Variants in OR5H14 observed in about 807,000 individuals in gnomAD.
OR5H14 encodes the protein olfactory receptor 5H14.
For missense variants in OR5H14, 392 were observed against 363.9 expected (o/e 1.08, Z -0.63); for synonymous variants, 155 against 130.6 (o/e 1.19, Z -1.28).
In OR5H14 at chr3:98,149,953, A is replaced by G. The variant is rs772343375; in HGVS notation, c.568A>G (p.Thr190Ala). The G allele has an allele frequency of 6.2e-7, 1 of 1,613,234 alleles. No individual in the cohort carries two copies. Among genetic ancestry groups the G allele is most frequent in the Admixed American group, 1.7e-5 (1 of 59,908 alleles). The change falls in exon 2 of 2, where the codon ACT (threonine) becomes GCT (alanine). Residue 190 changes from threonine (T) to alanine (A), a missense_variant. By Grantham distance (58) the Thr-to-Ala change is moderately conservative. Transcript: ENST00000641380. ...DIIPLLKISY[T>A]DSSINFLMVF... is the part of the protein sequence containing the mutation. ...TATCCCATTGTTAAAGATTTCTTAT[A>G]CTGATTCCTCTATTAACTTTCTAAT...
At position 98,155,004 on chromosome 3, in the gene OR5H14, C is replaced by T. The variant is rs1324786861; in HGVS notation, c.*4686C>T. Reference sequence around the variant, plus strand: ...CCTAACTGCTCCCACAGATAATATTCCTATTGTGAAATCTAAGATTGGTGT... The same window carrying T: ...CCTAACTGCTCCCACAGATAATATTTCTATTGTGAAATCTAAGATTGGTGT... On this transcript the variant is annotated 3_prime_UTR_variant, in exon 2 of 2. Coordinates refer to ENST00000641380, the MANE Select transcript of OR5H14 (RefSeq NM_001005514.2). 2 of 151,900 alleles carry T rather than the reference C, an allele frequency of 1.3e-5. No individual in the cohort carries two copies. The highest frequency in any genetic ancestry group is 1.9e-4 in the East Asian group (1 of 5,194). 9.4% of individuals were successfully genotyped at this position (151,900 alleles called of 1,614,324 possible). A position where few individuals can be genotyped will look rare whatever the true frequency, so the allele number is the denominator to read the frequency against.
At chr3:98,148,864 C>A (rs1232624796) in intron 1 of OR5H14, among the ~76,000 whole-genome samples, 3 of 151,998 alleles carry the variant, frequency 2.0e-5, no homozygotes, top group African/African-American at 7.2e-5. Context: ...ATTGCTGGAA[C>A]CTTAGTAACA....
rs1217758679 is a variant in OR5H14, at chr3:98,156,117, A to G, written c.*5799A>G. 6 of 152,140 alleles carry G rather than the reference A, an allele frequency of 3.9e-5. No individual in the cohort carries two copies. The highest frequency in any genetic ancestry group is 2.6e-4 in the Admixed American group (4 of 15,252). 9.4% of individuals were successfully genotyped at this position (152,140 alleles called of 1,614,324 possible). On this transcript the variant is annotated 3_prime_UTR_variant, in exon 2 of 2. Transcript: ENST00000641380. ...TTTTGTTGAAAGCAAATTTTTACAA[A>G]CATTTTTCTAAGACTGGAAATGAAG...
In OR5H14 at chr3:98,154,599, T is replaced by C. The variant is rs1708558699; in HGVS notation, c.*4281T>C. 1 of 152,230 alleles carries C rather than the reference T, an allele frequency of 6.6e-6. No individual in the cohort carries two copies. Among genetic ancestry groups the C allele is most frequent in the Non-Finnish European group, 1.5e-5 (1 of 68,048 alleles). The allele number at this position is 152,230 out of a possible 1,614,324, so 9.4% of individuals were successfully genotyped here. A position where few individuals can be genotyped will look rare whatever the true frequency, so the allele number is the denominator to read the frequency against. On this transcript the variant is annotated 3_prime_UTR_variant, in exon 2 of 2. Transcript: ENST00000641380. ...TCCTTTATTTTAATGGGTGAAAATG[T>C]AACTGAGCAAAAGGCTTAGTAGATG...
In OR5H14 at chr3:98,155,919, C is replaced by T. The variant is rs1412680105; in HGVS notation, c.*5601C>T. The T allele has an allele frequency of 6.6e-6, 1 of 152,162 alleles. No homozygotes were observed. Among genetic ancestry groups the T allele is most frequent in the Non-Finnish European group, 1.5e-5 (1 of 68,022 alleles). 9.4% of individuals were successfully genotyped at this position (152,162 alleles called of 1,614,324 possible). On this transcript the variant is annotated 3_prime_UTR_variant, in exon 2 of 2. Transcript: ENST00000641380. ...GTGACTTAATATCTATGTTTCTAAACTCTGCAATACCCTGCAGGATAATCT... is the reference window on the plus strand; with the variant it reads ...GTGACTTAATATCTATGTTTCTAAATTCTGCAATACCCTGCAGGATAATCT...
Position 98,149,996 on chromosome 3 carries a change from G to T in OR5H14, c.611G>T (p.Gly204Val). The T allele has an allele frequency of 1.9e-6, 3 of 1,612,836 alleles. No homozygotes were observed. Among genetic ancestry groups the T allele is most frequent in the South Asian group, 1.1e-5 (1 of 91,024 alleles). ...INFLMVFIFAGSIQVFTIGTV... is the reference protein window; with the variant it reads ...INFLMVFIFAVSIQVFTIGTV... ...TTTCTAATGGTTTTTATTTTTGCAG[G>T]TTCAATTCAAGTTTTTACCATAGGG... The change falls in exon 2 of 2, where the codon GGT becomes GTT. Residue 204 changes from glycine to valine, a missense_variant. Transcript: ENST00000641380.
Position 98,151,600 on chromosome 3 carries a change from G to T in OR5H14, c.*1282G>T, listed in dbSNP as rs1708509062. 6.6e-6 allele frequency: 1 copy of T among 151,956 alleles called. No homozygotes were observed. The highest frequency in any genetic ancestry group is 2.1e-4 in the South Asian group (1 of 4,820). 9.4% of individuals were successfully genotyped at this position (151,956 alleles called of 1,614,324 possible). A position where few individuals can be genotyped will look rare whatever the true frequency, so the allele number is the denominator to read the frequency against. On this transcript the variant is annotated 3_prime_UTR_variant, in exon 2 of 2. Transcript: ENST00000641380. The stretch of plus-strand genomic sequence containing the variant: ...CAACTCTTTCAATTTTCTTTTGTTG[G>T]ATCATCATTGCTACCTGATTATACG...
Position 98,155,431 on chromosome 3 carries a change from T to C in OR5H14, c.*5113T>C, listed in dbSNP as rs1295164608. 1.0e-4 allele frequency: 13 copies of C among 124,290 alleles called. No homozygotes were observed. The highest frequency in any genetic ancestry group is 1.0e-3 in the Admixed American group (13 of 12,800). The allele number at this position is 124,290 out of a possible 1,614,324, so 7.7% of individuals were successfully genotyped here. A position where few individuals can be genotyped will look rare whatever the true frequency, so the allele number is the denominator to read the frequency against. On this transcript the variant is annotated 3_prime_UTR_variant, in exon 2 of 2. Coordinates refer to ENST00000641380, the MANE Select transcript of OR5H14 (RefSeq NM_001005514.2). ...GAGCAGTTGGAGTTAAGTCAGTCAATGATCTACACCTAGACTTTCTGGAAA... is the reference window on the plus strand; with the variant it reads ...GAGCAGTTGGAGTTAAGTCAGTCAACGATCTACACCTAGACTTTCTGGAAA...
rs776466099 is a variant in OR5H14, at chr3:98,150,165, G to C, written c.780G>C (p.Met260Ile). The change falls in exon 2 of 2, where the codon ATG becomes ATC. Residue 260 changes from methionine to isoleucine, a missense_variant. Transcript: ENST00000641380. ...LYYGPLAFMY[M>I]GSASPQADDQ... ...ATGGGCCCCTCGCCTTCATGTATAT[G>C]GGCTCTGCATCCCCACAGGCTGATG... 5.6e-6 allele frequency: 9 copies of C among 1,612,470 alleles called. No individual in the cohort carries two copies. The Admixed American group carries it at 1.3e-4, about 24-fold the overall frequency.
At position 98,150,203 on chromosome 3, in the gene OR5H14, T is replaced by C. The variant is rs1708485459; in HGVS notation, c.818T>C (p.Met273Thr). The change falls in exon 2 of 2, where the codon ATG becomes ACG. Residue 273 changes from methionine to threonine, a missense_variant. Coordinates refer to ENST00000641380, the MANE Select transcript of OR5H14 (RefSeq NM_001005514.2). ...CCACAGGCTGATGACCAAGATATGA[T>C]GGAGTCTCTATTTTACACTGTCATA... is the stretch of plus-strand genomic sequence containing the variant. ...ASPQADDQDM[M>T]ESLFYTVIVP... 1 of 1,612,828 alleles carries C rather than the reference T, an allele frequency of 6.2e-7. No homozygotes were observed. The highest frequency in any genetic ancestry group is 1.3e-5 in the African/African-American group (1 of 74,890).
chr3:98,149,335 A>G (rs1199264789), intron 1 of OR5H14, 33 bp from the exon 2 acceptor site: 1 of 1,597,422 alleles, frequency 6.3e-7, no homozygotes. Context: ...GTCATTGCAG[A>G]TGTTCCCTTT....
At position 98,150,377 on chromosome 3, in the gene OR5H14, G is replaced by A. The variant is rs1163697779; in HGVS notation, c.*59G>A. ...ATGTCACAAAATTGTGCAAATTAGAGGTACCTATGTTTTTGCCAGCATTAA... is the reference window on the plus strand; with the variant it reads ...ATGTCACAAAATTGTGCAAATTAGAAGTACCTATGTTTTTGCCAGCATTAA... On this transcript the variant is annotated 3_prime_UTR_variant, in exon 2 of 2. Transcript: ENST00000641380. 1.7e-6 allele frequency: 2 copies of A among 1,195,478 alleles called. No homozygotes were observed. The highest frequency in any genetic ancestry group is 3.1e-5 in the African/African-American group (2 of 64,186). The allele number at this position is 1,195,478 out of a possible 1,614,324, so 74.1% of individuals were successfully genotyped here. A position where few individuals can be genotyped will look rare whatever the true frequency, so the allele number is the denominator to read the frequency against.
At position 98,149,529 on chromosome 3, in the gene OR5H14, C is replaced by G. The variant is rs759095581; in HGVS notation, c.144C>G (p.Val48=). Residue 48 remains valine, a synonymous_variant, in exon 2 of 2, where the codon GTC becomes GTG. Coordinates refer to ENST00000641380, the MANE Select transcript of OR5H14 (RefSeq NM_001005514.2). ...TIMGNLGLIA[V]IWKDPHLHIP... ...TGGGGAATCTTGGTCTGATTGCTGT[C>G]ATCTGGAAAGACCCTCATCTTCATA... 1 of 1,613,512 alleles carries G rather than the reference C, an allele frequency of 6.2e-7. No individual in the cohort carries two copies. Among genetic ancestry groups the G allele is most frequent in the East Asian group, 2.2e-5 (1 of 44,852 alleles).
rs1708556815 is a variant in OR5H14, at chr3:98,154,520, G to A, written c.*4202G>A. ...TGACCAAGGTGTAAAGGTGGTTAAA[G>A]AAGGCAGGCCTGGTTCATCTGAGGA... On this transcript the variant is annotated 3_prime_UTR_variant, in exon 2 of 2. Transcript: ENST00000641380. The A allele has an allele frequency of 6.6e-6, 1 of 152,228 alleles. No individual in the cohort carries two copies. Among genetic ancestry groups the A allele is most frequent in the Non-Finnish European group, 1.5e-5 (1 of 68,038 alleles). 9.4% of individuals were successfully genotyped at this position (152,228 alleles called of 1,614,324 possible).
Position 98,149,465 on chromosome 3 carries a change from T to C in OR5H14, c.80T>C (p.Leu27Pro). The change falls in exon 2 of 2, where the codon CTG (leucine) becomes CCG (proline). Residue 27 changes from leucine to proline, a missense_variant. Transcript: ENST00000641380. ...FLYQPQWKIPLFLAFLVIYLI... is the reference protein window; with the variant it reads ...FLYQPQWKIPPFLAFLVIYLI... ...TATCAACCACAGTGGAAAATACCCC[T>C]GTTCCTGGCATTCTTGGTAATATAT... is the stretch of plus-strand genomic sequence containing the variant. The C allele has an allele frequency of 6.2e-7, 1 of 1,613,506 alleles. No homozygotes were observed.
At position 98,150,455 on chromosome 3, in the gene OR5H14, A is replaced by G; in HGVS notation, c.*137A>G. On this transcript the variant is annotated 3_prime_UTR_variant, in exon 2 of 2. Coordinates refer to ENST00000641380, the MANE Select transcript of OR5H14 (RefSeq NM_001005514.2). ...CGCTTTAATGACCTATGATATAAGCACCTATTTAACTAATTAAAATATTCC... is the reference window on the plus strand; with the variant it reads ...CGCTTTAATGACCTATGATATAAGCGCCTATTTAACTAATTAAAATATTCC... The G allele has an allele frequency of 2.0e-6, 1 of 502,686 alleles. No individual in the cohort carries two copies. Among genetic ancestry groups the G allele is most frequent in the Non-Finnish European group, 3.5e-6 (1 of 287,290 alleles). 31.1% of individuals were successfully genotyped at this position (502,686 alleles called of 1,614,324 possible). A position where few individuals can be genotyped will look rare whatever the true frequency, so the allele number is the denominator to read the frequency against.
At position 98,152,598 on chromosome 3, in the gene OR5H14, A is replaced by G. The variant is rs1223722636; in HGVS notation, c.*2280A>G. The G allele has an allele frequency of 3.9e-5, 6 of 152,204 alleles. No individual in the cohort carries two copies. Among genetic ancestry groups the G allele is most frequent in the Non-Finnish European group, 7.3e-5 (5 of 68,060 alleles). 9.4% of individuals were successfully genotyped at this position (152,204 alleles called of 1,614,324 possible). On this transcript the variant is annotated 3_prime_UTR_variant, in exon 2 of 2. Coordinates refer to ENST00000641380, the MANE Select transcript of OR5H14 (RefSeq NM_001005514.2). ...CTCACTCATAAGTGTGGGTTGAACA[A>G]TGGGAACACATGGACACAGGGAGGG...
In OR5H14 at chr3:98,150,250, A is replaced by G; in HGVS notation, c.865A>G (p.Ile289Val). Residue 289 changes from isoleucine to valine, a missense_variant, in exon 2 of 2, where the codon ATC becomes GTC. Physicochemically the swap from Ile to Val is conservative, Grantham distance 29. Transcript: ENST00000641380. ...CATAGTTCCTTTATTAAATCCCATG[A>G]TCTACAGCCTGAGAAACAAGCAAGT... ...TVIVPLLNPMIYSLRNKQVIA... is the reference protein window; with the variant it reads ...TVIVPLLNPMVYSLRNKQVIA... The G allele has an allele frequency of 6.2e-7, 1 of 1,606,100 alleles. No individual in the cohort carries two copies. Among genetic ancestry groups the G allele is most frequent in the Non-Finnish European group, 8.5e-7 (1 of 1,177,418 alleles).
rs1453893288 is a variant in OR5H14 at position 98,155,544 on chromosome 3, T to C, written c.*5226T>C. 6.6e-6 allele frequency: 1 copy of C among 152,214 alleles called. No individual in the cohort carries two copies. Among genetic ancestry groups the C allele is most frequent in the Non-Finnish European group, 1.5e-5 (1 of 68,032 alleles). 9.4% of individuals were successfully genotyped at this position (152,214 alleles called of 1,614,324 possible). A position where few individuals can be genotyped will look rare whatever the true frequency, so the allele number is the denominator to read the frequency against. On this transcript the variant is annotated 3_prime_UTR_variant, in exon 2 of 2. Transcript: ENST00000641380. ...AACTAGGTGGCAAGGCATTGCAAGA[T>C]TGTCTTTGTTTTTATTTTTTCCTCC...
Sources: gnomAD v4.1 joint callset for allele counts (sites outside exome capture counted in the v4.1 genomes callset) on GRCh38, gnomAD v4.1.1 for gene constraint, MANE v1.5 for transcripts, NCBI Gene and HGNC (gene_info 2026-07-23, HGNC 2026-07-21) for gene names.